The following PLCXD3 variants were observed in gnomAD, a reference collection of about 807,000 sequenced individuals.
PLCXD3 encodes the protein PI-PLC X domain-containing protein 3.
Under a neutral mutation model 25.5 loss-of-function variants are expected in PLCXD3, and 19 were observed. That is an observed-to-expected ratio of 0.75 (90% CI 0.52 to 1.09). PLCXD3 has a LOEUF of 1.09. Among genes scored for constraint, PLCXD3 ranks in the 50% least tolerant of loss-of-function variants. The pLI is 0.00. For synonymous variants in PLCXD3, 174 were observed against 137.6 expected (o/e 1.26, Z -1.85); for missense variants, 411 against 388.1 (o/e 1.06, Z -0.50).
intron 1 of PLCXD3, among the ~76,000 whole-genome samples, chr5:41,420,145 A>G (rs1023376326): frequency 6.6e-6 from 1 of 152,236 alleles, no homozygotes; most frequent in African/African-American, 2.4e-5. Flanking sequence ...TATATCAAGT[A>G]TCTCATCTAT....
intron 2 of PLCXD3, among the ~76,000 whole-genome samples, chr5:41,375,933 G>A (rs79471406): frequency 0.011 from 1,655 of 152,190 alleles, 15 homozygotes; most frequent in Non-Finnish European, 0.018. Flanking sequence ...ACATCTCTCA[G>A]CCTCAATTTC....
chr5:41,489,987 G>A (rs1236839207), intron 1 of PLCXD3, among the ~76,000 whole-genome samples: 1 of 152,036 alleles, frequency 6.6e-6, no homozygotes, highest in Non-Finnish European at 1.5e-5. Flanking sequence ...TAGGAGCGGT[G>A]AGAGAGGGCA....
intron 1 of PLCXD3, among the ~76,000 whole-genome samples, chr5:41,400,600 A>T (rs1380976324): frequency 6.6e-6 from 1 of 152,074 alleles, no homozygotes; most frequent in Non-Finnish European, 1.5e-5. Flanking sequence ...AAAGACAAAC[A>T]CTGCATGTTC....
chr5:41,479,212 A>G (rs78154200), intron 1 of PLCXD3, among the ~76,000 whole-genome samples: 9,568 of 152,296 alleles, frequency 0.063, 348 homozygotes, highest in South Asian at 0.16. Flanking sequence ...GACCCATGCA[A>G]AGTGAAATAA....
At position 41,500,512 on chromosome 5, in the gene PLCXD3, TTGAC is replaced by T. The variant is rs376575459; in HGVS notation, c.103+9908_103+9911del. On this transcript the variant is annotated intron_variant, in intron 1 of 2. Coordinates refer to ENST00000377801, the MANE Select transcript of PLCXD3 (RefSeq NM_001005473.3). ...GTGACAGATACCCTAAAAGCCTGAC[TTGAC>T]TATTATGCAATCTATGCACATTTAT... 2.1e-3 allele frequency among the ~76,000 whole-genome samples: 322 copies of T among 151,894 alleles called. 1 individual carries two copies. Among genetic ancestry groups the T allele is most frequent in the African/African-American group, 7.2e-3 (297 of 41,516 alleles).
At chr5:41,444,718 A>C (rs2150512519) in intron 1 of PLCXD3, among the ~76,000 whole-genome samples, 1 of 152,324 alleles carries the variant, frequency 6.6e-6, no homozygotes, top group East Asian at 1.9e-4. Flanking sequence ...ATCCCACTTT[A>C]AATGGGTACC....
In PLCXD3 at chr5:41,307,746, A is replaced by G. The variant is rs546654307; in HGVS notation, c.*5871T>C. ...CGTAGATGACCAGTTTTAACCTGAT[A>G]AAAATAATTTGTGGTAAGATGTGAA... On this transcript the variant is annotated 3_prime_UTR_variant, in exon 3 of 3. Transcript: ENST00000377801. 15 of 152,284 alleles carry G rather than the reference A, an allele frequency of 9.9e-5. No individual in the cohort carries two copies. Among genetic ancestry groups the G allele is most frequent in the African/African-American group, 3.6e-4 (15 of 41,574 alleles). The allele number at this position is 152,284 out of a possible 1,614,324, so 9.4% of individuals were successfully genotyped here. A position where few individuals can be genotyped will look rare whatever the true frequency, so the allele number is the denominator to read the frequency against.
chr5:41,457,482 C>G (rs1747778758), intron 1 of PLCXD3, among the ~76,000 whole-genome samples: 1 of 151,782 alleles, frequency 6.6e-6, no homozygotes, highest in Non-Finnish European at 1.5e-5. Flanking sequence ...GATTGGAACC[C>G]AGGAGTACAC....
chr5:41,416,480 G>T (rs1746697588), intron 1 of PLCXD3, among the ~76,000 whole-genome samples: 1 of 152,206 alleles, frequency 6.6e-6, no homozygotes, highest in Non-Finnish European at 1.5e-5. Context: ...CCTACTTTCA[G>T]AATTGGAATC....
chr5:41,497,339 A>T (rs1748864364), intron 1 of PLCXD3, among the ~76,000 whole-genome samples: 1 of 151,930 alleles, frequency 6.6e-6, no homozygotes, highest in Non-Finnish European at 1.5e-5. Flanking sequence ...ATAGAAAAAT[A>T]TATTCCAGGC....
chr5:41,343,474 T>C (rs920119981), intron 2 of PLCXD3, among the ~76,000 whole-genome samples: 1 of 152,170 alleles, frequency 6.6e-6, no homozygotes, highest in African/African-American at 2.4e-5. Flanking sequence ...TGTTTGCTTA[T>C]ATGCAAAGTA....
intron 1 of PLCXD3, among the ~76,000 whole-genome samples, chr5:41,490,406 T>C (rs1360089340): frequency 1.3e-5 from 2 of 152,148 alleles, no homozygotes; most frequent in Admixed American, 6.5e-5. Flanking sequence ...CTTTTTTGGT[T>C]GTGTCTCTGC....
intron 2 of PLCXD3, among the ~76,000 whole-genome samples, chr5:41,378,312 A>C (rs1001842881): frequency 6.6e-6 from 1 of 152,118 alleles, no homozygotes; most frequent in South Asian, 2.1e-4. Context: ...CAGCTTTGCA[A>C]ATGGTTAAAA....
intron 2 of PLCXD3, among the ~76,000 whole-genome samples, chr5:41,323,411 A>T (rs909099132): frequency 6.6e-6 from 1 of 152,186 alleles, no homozygotes; most frequent in Non-Finnish European, 1.5e-5. Flanking sequence ...GAGGGAAGGG[A>T]TACCCCATTC....
intron 1 of PLCXD3, among the ~76,000 whole-genome samples, chr5:41,407,105 C>A (rs951711520): frequency 2.6e-5 from 4 of 152,018 alleles, no homozygotes; most frequent in Non-Finnish European, 5.9e-5. Context: ...TGCCTTATAT[C>A]AAATCCCTAA....
chr5:41,409,412 C>T (rs192218114), intron 1 of PLCXD3, among the ~76,000 whole-genome samples: 6 of 152,274 alleles, frequency 3.9e-5, no homozygotes, highest in South Asian at 2.1e-4. Flanking sequence ...CCACTGCCTG[C>T]GATACTCTGC....
chr5:41,418,630 A>G (rs1746747355), intron 1 of PLCXD3, among the ~76,000 whole-genome samples: 1 of 152,206 alleles, frequency 6.6e-6, no homozygotes, highest in Non-Finnish European at 1.5e-5. Context: ...CAAGTCTTCC[A>G]GTTTATGAAT....
rs1285892548 is a variant in PLCXD3, at chr5:41,382,469, T to G, written c.169A>C (p.Thr57Pro). The G allele has an allele frequency of 6.2e-7, 1 of 1,611,834 alleles. No homozygotes were observed. Among genetic ancestry groups the G allele is most frequent in the African/African-American group, 1.3e-5 (1 of 74,850 alleles). The change falls in exon 2 of 3, where the codon ACT (threonine) becomes CCT (proline). Residue 57 changes from threonine (T) to proline (P), a missense_variant. By Grantham distance (38) the Thr-to-Pro change is conservative. Transcript: ENST00000377801. ...AACACAGAGACAAAATTCTGGACAG[T>G]TTCTGGCTGCTCAGGACCTACTGGA... Reference protein sequence around the residue: ...ASPVGPEQPETVQNFVSVFGT... With the variant: ...ASPVGPEQPEPVQNFVSVFGT...
At chr5:41,482,954 C>T (rs897880706) in intron 1 of PLCXD3, among the ~76,000 whole-genome samples, 3 of 152,132 alleles carry the variant, frequency 2.0e-5, no homozygotes, top group East Asian at 3.8e-4. Flanking sequence ...GCACTGGCAA[C>T]GGCCATTCTA....
Sources: allele counts gnomAD v4.1 joint callset (sites outside exome capture counted in the v4.1 genomes callset), GRCh38; gene constraint gnomAD v4.1.1; transcripts MANE v1.5; gene names NCBI Gene and HGNC (gene_info 2026-07-23, HGNC 2026-07-21).